The following EPHA3 variants were observed in gnomAD, a reference collection of about 807,000 sequenced individuals.
EPHA3 encodes the protein ephrin type-A receptor 3.
EPHA3 carries 42 observed loss-of-function variants against 107.1 expected under a neutral mutation model. The ratio of observed to expected loss-of-function variants is 0.39; its 90% CI spans 0.31 to 0.51. The LOEUF is 0.51. Among genes scored for constraint, EPHA3 ranks in the 20% least tolerant of loss-of-function variants. The pLI, the probability that EPHA3 is intolerant of heterozygous loss-of-function variation, is 0.78. For synonymous variants in EPHA3, 461 were observed against 424.8 expected (o/e 1.09, Z -1.05); for missense variants, 1,183 against 1,211.2 (o/e 0.98, Z 0.35).
intron 2 of EPHA3, among the ~76,000 whole-genome samples, chr3:89,155,087 A>T (rs1704769861): frequency 6.6e-6 from 1 of 151,576 alleles, no homozygotes; most frequent in African/African-American, 2.4e-5. Flanking sequence ...AGTGCTGTAC[A>T]TTAAATATAG....
intron 3 of EPHA3, among the ~76,000 whole-genome samples, chr3:89,259,429 G>A (rs1255161710): frequency 6.6e-6 from 1 of 152,174 alleles, no homozygotes; most frequent in Non-Finnish European, 1.5e-5. Flanking sequence ...AATATGCTTG[G>A]AACATGCTAG....
At chr3:89,387,173 G>C (rs1378111199) in intron 5 of EPHA3, among the ~76,000 whole-genome samples, 1 of 152,136 alleles carries the variant, frequency 6.6e-6, no homozygotes, top group African/African-American at 2.4e-5. Flanking sequence ...GGTGTCAGGG[G>C]TGGAATGACA....
At chr3:89,142,231 T>C (rs1022103414) in intron 2 of EPHA3, among the ~76,000 whole-genome samples, 1 of 151,396 alleles carries the variant, frequency 6.6e-6, no homozygotes, top group African/African-American at 2.4e-5. Flanking sequence ...TCCCCCAACG[T>C]TCAATTTCCC....
At chr3:89,427,109 A>G (rs1709471929) in intron 11 of EPHA3, among the ~76,000 whole-genome samples, 1 of 151,910 alleles carries the variant, frequency 6.6e-6, no homozygotes, top group Admixed American at 6.6e-5. Flanking sequence ...CATTAACTAG[A>G]TAGATGTTAC....
chr3:89,186,731 AG>A (rs1705576846), intron 2 of EPHA3, among the ~76,000 whole-genome samples: 1 of 152,126 alleles, frequency 6.6e-6, no homozygotes, highest in Admixed American at 6.6e-5. Context: ...CTGATGCCAC[AG>A]TACATTCAGT....
rs1710428479 is a variant in EPHA3, at chr3:89,472,574, G to A, written c.2801G>A (p.Gly934Asp). The change falls in exon 16 of 17, where the codon GGT (glycine) becomes GAT (aspartate). Residue 934 changes from glycine to aspartate, a missense_variant. By Grantham distance (94) the Gly-to-Asp change is moderately conservative (BLOSUM62 -1). Transcript: ENST00000336596. ...WTAHCKEIFT[G>D]VEYSSCDTIA... ...GCACACTGCAAGGAAATCTTCACGG[G>A]TGTGGAGTACAGTTCTTGTGACACA... 2 of 1,613,952 alleles carry A rather than the reference G, an allele frequency of 1.2e-6. No individual in the cohort carries two copies. Among genetic ancestry groups the A allele is most frequent in the Admixed American group, 3.3e-5 (2 of 59,996 alleles).
intron 15 of EPHA3, among the ~76,000 whole-genome samples, chr3:89,470,141 G>T (rs1366223050): frequency 6.6e-6 from 1 of 151,752 alleles, no homozygotes; most frequent in African/African-American, 2.4e-5. Context: ...CAGCAGAATA[G>T]CACTTCTGTT....
intron 10 of EPHA3, 24 bp from the exon 11 acceptor site, chr3:89,419,181 T>G (rs768321229): frequency 1.9e-6 from 3 of 1,542,850 alleles, no homozygotes; most frequent in Middle Eastern, 1.7e-4. Context: ...CCTTACATTT[T>G]GTTGCTGTTC....
intron 11 of EPHA3, among the ~76,000 whole-genome samples, chr3:89,423,788 A>C (rs1709399231): frequency 6.6e-6 from 1 of 151,420 alleles, no homozygotes; most frequent in Non-Finnish European, 1.5e-5. Flanking sequence ...ACTTATAGAA[A>C]AGTGTGGTAT....
intron 3 of EPHA3, among the ~76,000 whole-genome samples, chr3:89,249,551 C>T (rs1705113104): frequency 6.6e-6 from 1 of 152,152 alleles, no homozygotes; most frequent in Admixed American, 6.5e-5. Flanking sequence ...ACCTCCACCT[C>T]CTGGGCTCGA....
chr3:89,214,784 G>A (rs1256692779), intron 3 of EPHA3, among the ~76,000 whole-genome samples: 1 of 151,724 alleles, frequency 6.6e-6, no homozygotes, highest in East Asian at 1.9e-4. Flanking sequence ...TTTCCAAAGT[G>A]CCTTGAGTTT....
At chr3:89,160,605 CTGTG>C (rs1704912551) in intron 2 of EPHA3, among the ~76,000 whole-genome samples, 1 of 140,556 alleles carries the variant, frequency 7.1e-6, no homozygotes, top group African/African-American at 2.6e-5. Context: ...CATTCTTTTT[CTGTG>C]TGTATTTCTT....
At chr3:89,155,129 G>A (rs1704770615) in intron 2 of EPHA3, among the ~76,000 whole-genome samples, 1 of 151,582 alleles carries the variant, frequency 6.6e-6, no homozygotes, top group Non-Finnish European at 1.5e-5. Context: ...TCCCCAGGAT[G>A]AAGGCATTAT....
intron 10 of EPHA3, among the ~76,000 whole-genome samples, chr3:89,416,172 T>C (rs1305008502): frequency 6.6e-6 from 1 of 151,442 alleles, no homozygotes; most frequent in Non-Finnish European, 1.5e-5. Context: ...ATAAGAAATT[T>C]TATTTTGAGC....
At chr3:89,171,690 T>C (rs1705212710) in intron 2 of EPHA3, among the ~76,000 whole-genome samples, 1 of 152,192 alleles carries the variant, frequency 6.6e-6, no homozygotes, top group Non-Finnish European at 1.5e-5. Context: ...TTCCTTGTGA[T>C]GTGATTTTCT....
At chr3:89,287,486 A>G (rs181674194) in intron 3 of EPHA3, among the ~76,000 whole-genome samples, 1 of 152,264 alleles carries the variant, frequency 6.6e-6, no homozygotes, top group Admixed American at 6.5e-5. Flanking sequence ...GGAGATTTTC[A>G]TGGGCTGACT....
intron 3 of EPHA3, among the ~76,000 whole-genome samples, chr3:89,262,700 G>C (rs1270543238): frequency 1.3e-5 from 2 of 152,232 alleles, no homozygotes; most frequent in Non-Finnish European, 2.9e-5. Flanking sequence ...TAACAGGAGG[G>C]AGTGCGTAAG....
At chr3:89,270,571 T>C (rs1338999964) in intron 3 of EPHA3, among the ~76,000 whole-genome samples, 1 of 152,146 alleles carries the variant, frequency 6.6e-6, no homozygotes, top group African/African-American at 2.4e-5. Context: ...ATTAAATGCA[T>C]GACCTCTCTT....
intron 5 of EPHA3, among the ~76,000 whole-genome samples, chr3:89,361,993 C>CTT (rs1708101373): frequency 6.6e-6 from 1 of 151,036 alleles, no homozygotes; most frequent in Admixed American, 6.6e-5. Context: ...AATATTTTCA[C>CTT]AACCCCCTCA....
Sources: gnomAD v4.1 joint callset for allele counts (sites outside exome capture counted in the v4.1 genomes callset) on GRCh38, gnomAD v4.1.1 for gene constraint, MANE v1.5 for transcripts, NCBI Gene and HGNC (gene_info 2026-07-23, HGNC 2026-07-21) for gene names.